The following XKR6 variants were observed in gnomAD, a reference collection of about 807,000 sequenced individuals.
The protein encoded by XKR6 is XK related 6.
In XKR6, 22 loss-of-function variants were observed where a neutral mutation model predicts 56.7. The ratio of observed to expected loss-of-function variants is 0.39; its 90% confidence interval spans 0.28 to 0.55. XKR6 has a LOEUF of 0.55. Ranked by LOEUF, XKR6 falls within the 20% of genes least tolerant of loss-of-function variation. The probability of loss-of-function intolerance (pLI) is 0.66; values close to 1 mark genes in which losing one functional copy is unlikely to be tolerated. For missense variants in XKR6, 852 were observed against 889.0 expected (o/e 0.96, Z 0.53); for synonymous variants, 524 against 387.8 (o/e 1.35, Z -4.13).
chr8:11,069,271 C>T (rs1484901135), intron 1 of XKR6, among the ~76,000 whole-genome samples: 8 of 152,122 alleles, frequency 5.3e-5, no homozygotes, highest in Non-Finnish European at 4.4e-5. Flanking sequence ...TTTGGAGGGA[C>T]CGACTCTGGC....
At chr8:10,938,048 G>GCGAGACTCCGTGGGCGTAGGACCCTC (rs1295717282) in intron 1 of XKR6, among the ~76,000 whole-genome samples, 1 of 152,140 alleles carries the variant, frequency 6.6e-6, no homozygotes, top group Non-Finnish European at 1.5e-5. Flanking sequence ...CCAGCAATCA[G>GCGAGACTCCGTGGGCGTAGGACCCTC]CGAGACTCCG....
chr8:10,916,308 C>G (rs2129113539), intron 2 of XKR6, among the ~76,000 whole-genome samples: 1 of 152,270 alleles, frequency 6.6e-6, no homozygotes, highest in South Asian at 2.1e-4. Flanking sequence ...ATACCTTCAC[C>G]TCACACAACA....
intron 2 of XKR6, among the ~76,000 whole-genome samples, chr8:10,915,763 T>G (rs1436306605): frequency 6.6e-6 from 1 of 152,098 alleles, no homozygotes; most frequent in East Asian, 1.9e-4. Context: ...CTCCTCAAAA[T>G]GAGAGGAGAA....
rs141882234 is a variant in XKR6 at position 10,997,668 on chromosome 8, T to C, written c.765-72838A>G. On this transcript the variant is annotated intron_variant, in intron 1 of 2. Transcript: ENST00000416569. ...GGCGTGTGGAAATGCAATGAGGGTGTGGAAATGCAATGAGGCTAAAGTGGG... is the reference window on the plus strand; with the variant it reads ...GGCGTGTGGAAATGCAATGAGGGTGCGGAAATGCAATGAGGCTAAAGTGGG... Among the ~76,000 whole-genome samples, 373 of 152,078 alleles carry C rather than the reference T, an allele frequency of 2.5e-3. 2 individuals carry two copies. Among genetic ancestry groups the C allele is most frequent in the African/African-American group, 7.9e-3 (326 of 41,456 alleles).
chr8:10,919,964 G>C (rs1289747975), intron 2 of XKR6, among the ~76,000 whole-genome samples: 2 of 152,194 alleles, frequency 1.3e-5, no homozygotes, highest in Non-Finnish European at 2.9e-5. Context: ...CCTTGAGTCT[G>C]TATTTATAGG....
chr8:10,986,127 T>A (rs1367889937), intron 1 of XKR6, among the ~76,000 whole-genome samples: 1 of 152,224 alleles, frequency 6.6e-6, no homozygotes, highest in African/African-American at 2.4e-5. Context: ...AGAAACAGAC[T>A]GAAGATCACA....
chr8:11,062,223 C>A (rs1478841086), intron 1 of XKR6, among the ~76,000 whole-genome samples: 1 of 152,070 alleles, frequency 6.6e-6, no homozygotes, highest in African/African-American at 2.4e-5. Context: ...GGAAGTGGAC[C>A]ACAGAGAGCA....
chr8:11,186,899 A>T (rs1441097736), intron 1 of XKR6, among the ~76,000 whole-genome samples: 1 of 152,148 alleles, frequency 6.6e-6, no homozygotes, highest in Non-Finnish European at 1.5e-5. Flanking sequence ...CGCATTGTGG[A>T]TTTACTGCCT....
intron 1 of XKR6, among the ~76,000 whole-genome samples, chr8:11,062,259 C>A (rs966980762): frequency 6.6e-5 from 10 of 152,032 alleles, no homozygotes; most frequent in Middle Eastern, 3.2e-3. Flanking sequence ...TGCCAAGAGG[C>A]CTGGGAGCCA....
chr8:10,898,455 G>A lies in XKR6; in HGVS notation c.1423C>T (p.Pro475Ser). ...CTAATAAAGACACAACACAGTGCTGGCACCGCATAGGAGTCAGTGGTCTCC... is the reference window on the plus strand; with the variant it reads ...CTAATAAAGACACAACACAGTGCTGACACCGCATAGGAGTCAGTGGTCTCC... ...DPETTDSYAV[P>S]ALCCVFISFV... Residue 475 changes from proline (P) to serine (S), a missense_variant, in exon 3 of 3, where the codon CCA (proline) becomes TCA (serine). By Grantham distance (74) the Pro-to-Ser change is moderately conservative. This residue lies in a region of XKR6 where 197 missense variants were observed against 190.9 expected (regional missense o/e 1.03). Transcript: ENST00000416569. The surrounding 1 kb of genome is among the most constrained non-coding windows in gnomAD (Gnocchi z 6.6). The A allele has an allele frequency of 6.2e-7, 1 of 1,613,978 alleles. No homozygotes were observed. The highest frequency in any genetic ancestry group is 8.5e-7 in the Non-Finnish European group (1 of 1,180,004).
intron 1 of XKR6, among the ~76,000 whole-genome samples, chr8:10,926,155 C>G (rs1027472781): frequency 6.6e-6 from 1 of 152,214 alleles, no homozygotes; most frequent in African/African-American, 2.4e-5. Flanking sequence ...CAGCTGGCCT[C>G]AGGTATTACC....
rs187479151 is a variant in XKR6 at position 11,037,586 on chromosome 8, G to A, written c.765-112756C>T. Among the ~76,000 whole-genome samples the A allele has an allele frequency of 6.6e-5, 10 of 152,304 alleles. No individual in the cohort carries two copies. In the East Asian group the frequency reaches 1.4e-3, roughly 21 times the overall value. On this transcript the variant is annotated intron_variant, in intron 1 of 2. Transcript: ENST00000416569. Reference sequence around the variant, plus strand: ...GTAAAAATGATTGAATGGGCCGGGCGCAGTGGCTCACGCCTGTAATCCCAG... The same window carrying A: ...GTAAAAATGATTGAATGGGCCGGGCACAGTGGCTCACGCCTGTAATCCCAG...
At chr8:11,032,807 A>C (rs1799023636) in intron 1 of XKR6, among the ~76,000 whole-genome samples, 1 of 152,208 alleles carries the variant, frequency 6.6e-6, no homozygotes. Flanking sequence ...GCTCCTGAGA[A>C]GACTAAAGGA....
At chr8:11,147,314 A>C (rs1030543277) in intron 1 of XKR6, among the ~76,000 whole-genome samples, 4 of 152,168 alleles carry the variant, frequency 2.6e-5, no homozygotes, top group African/African-American at 9.7e-5. Flanking sequence ...CAATAATAAG[A>C]AGCCAAACAA....
intron 1 of XKR6, among the ~76,000 whole-genome samples, chr8:11,170,943 T>C (rs1175077642): frequency 6.6e-6 from 1 of 152,242 alleles, no homozygotes; most frequent in Non-Finnish European, 1.5e-5. Flanking sequence ...CTAAGAATGA[T>C]ACTCTGTTCT....
chr8:11,198,100 C>T (rs1206084909), intron 1 of XKR6, among the ~76,000 whole-genome samples: 1 of 152,078 alleles, frequency 6.6e-6, no homozygotes, highest in Non-Finnish European at 1.5e-5. Context: ...ACAACTATAA[C>T]CCCAAAAGAT....
chr8:11,060,015 G>A (rs1436598914), intron 1 of XKR6, among the ~76,000 whole-genome samples: 3 of 152,130 alleles, frequency 2.0e-5, no homozygotes, highest in Admixed American at 2.0e-4. Context: ...ATAAGGTCTG[G>A]TTTAAAATTC....
chr8:11,178,578 A>C (rs1585023179), intron 1 of XKR6, among the ~76,000 whole-genome samples: 1 of 145,010 alleles, frequency 6.9e-6, no homozygotes, highest in South Asian at 2.2e-4. Flanking sequence ...ATATATGTAT[A>C]TATATATGTA....
At chr8:11,156,137 A>C (rs1029290040) in intron 1 of XKR6, among the ~76,000 whole-genome samples, 1 of 152,056 alleles carries the variant, frequency 6.6e-6, no homozygotes, top group East Asian at 1.9e-4. Flanking sequence ...TGCCTCTCTA[A>C]TTTTACATCC....
Sources: gnomAD v4.1 joint callset for allele counts (sites outside exome capture counted in the v4.1 genomes callset) on GRCh38, gnomAD v4.1.1 for gene constraint, gnomAD v4.1.1 regional missense constraint, Gnocchi (gnomAD v3.1) non-coding constraint, MANE v1.5 for transcripts, NCBI Gene and HGNC (gene_info 2026-07-23, HGNC 2026-07-21) for gene names.